The following TRIM35 variants were observed in gnomAD, a reference collection of about 807,000 sequenced individuals.
TRIM35 encodes tripartite motif containing 35.
TRIM35 carries 37 observed loss-of-function variants against 49.1 expected under a neutral mutation model. The observed-to-expected ratio is 0.75, with a 90% CI of 0.58 to 0.99. TRIM35 has a LOEUF of 0.99. TRIM35 is among the 50% of genes least tolerant of loss of function. The pLI is 0.00. For synonymous variants in TRIM35, 302 were observed against 289.3 expected (o/e 1.04, Z -0.45); for missense variants, 648 against 702.7 (o/e 0.92, Z 0.88).
chr8:27,305,311 C>T (rs879588996), intron 1 of TRIM35, among the ~76,000 whole-genome samples: 11 of 152,226 alleles, frequency 7.2e-5, no homozygotes, highest in Admixed American at 7.2e-4. Context: ...TGTCTTTCCC[C>T]TTTGTGTTCA....
rs1429717120 is a variant in TRIM35 at position 27,311,086 on chromosome 8, C to G, written c.150G>C (p.Glu50Asp). The G allele has an allele frequency of 1.9e-6, 3 of 1,597,136 alleles. No individual in the cohort carries two copies. The highest frequency in any genetic ancestry group is 1.7e-6 in the Non-Finnish European group (2 of 1,172,816). The change falls in exon 1 of 6, where the codon GAG becomes GAC. Residue 50 changes from glutamate to aspartate, a missense_variant. Physicochemically the swap from Glu to Asp is conservative, Grantham distance 45 (BLOSUM62 2). Coordinates refer to ENST00000305364, the MANE Select transcript of TRIM35 (RefSeq NM_171982.5). ...FCRGCVSRCW[E>D]VQVSPTCPVC... ...CTGGGCAGGTGGGCGACACCTGCACCTCCCAGCAGCGGCTCACGCACCCGC... is the reference window on the plus strand; with the variant it reads ...CTGGGCAGGTGGGCGACACCTGCACGTCCCAGCAGCGGCTCACGCACCCGC...
intron 1 of TRIM35, among the ~76,000 whole-genome samples, chr8:27,309,149 C>T (rs980793774): frequency 1.3e-5 from 2 of 152,220 alleles, no homozygotes; most frequent in African/African-American, 2.4e-5. Context: ...TGGCTTGGCC[C>T]CAGCCTGGGG....
In TRIM35 at chr8:27,287,232, A is replaced by G; in HGVS notation, c.*318T>C. The stretch of plus-strand genomic sequence containing the variant: ...CCACACCTCGATGAGATGGTTTACA[A>G]CAGGCCCATTCTAGAAGTAAACATT... On this transcript the variant is annotated 3_prime_UTR_variant, in exon 6 of 6. Coordinates refer to ENST00000305364, the MANE Select transcript of TRIM35 (RefSeq NM_171982.5). This position sits in a 1 kb window ranked among gnomAD's most constrained non-coding sequence, Gnocchi z 6.0. 6.3e-6 allele frequency: 2 copies of G among 319,242 alleles called. No individual in the cohort carries two copies. The highest frequency in any genetic ancestry group is 4.7e-5 in the South Asian group (1 of 21,320). 19.8% of individuals were successfully genotyped at this position (319,242 alleles called of 1,614,324 possible).
At chr8:27,296,573 C>T (rs1802571843) in intron 2 of TRIM35, among the ~76,000 whole-genome samples, 1 of 152,212 alleles carries the variant, frequency 6.6e-6, no homozygotes, top group Non-Finnish European at 1.5e-5. Context: ...GCTCAGGACT[C>T]CTACACTCCC....
intron 1 of TRIM35, among the ~76,000 whole-genome samples, chr8:27,300,407 T>C (rs1325505254): frequency 2.1e-5 from 3 of 146,178 alleles, no homozygotes; most frequent in African/African-American, 7.7e-5. Context: ...AACTAGCCCA[T>C]TGGTTAGAAC....
intron 1 of TRIM35, among the ~76,000 whole-genome samples, chr8:27,308,293 C>T (rs145527619): frequency 2.7e-4 from 41 of 152,314 alleles, no homozygotes; most frequent in African/African-American, 7.9e-4. Flanking sequence ...AATTTGTTGA[C>T]GTGTGAACAC....
chr8:27,296,704 G>A (rs1216165215), intron 2 of TRIM35, among the ~76,000 whole-genome samples: 17 of 152,172 alleles, frequency 1.1e-4, no homozygotes, highest in Non-Finnish European at 2.4e-4. Flanking sequence ...CCAAGTAAGA[G>A]AACAATGATA....
At position 27,311,238 on chromosome 8, in the gene TRIM35, C is replaced by G; in HGVS notation, c.-3G>C. 6.6e-7 allele frequency: 1 copy of G among 1,521,480 alleles called. No homozygotes were observed. Among genetic ancestry groups the G allele is most frequent in the Non-Finnish European group, 8.8e-7 (1 of 1,133,816 alleles). The allele number at this position is 1,521,480 out of a possible 1,614,324, so 94.2% of individuals were successfully genotyped here. ...GACACGTCGGGACTCCGCTCCATGG[C>G]ACGAGCAGCCGGCTCGGGCGCCCGG... On this transcript the variant is annotated 5_prime_UTR_variant, in exon 1 of 6. Transcript: ENST00000305364.
intron 2 of TRIM35, among the ~76,000 whole-genome samples, chr8:27,296,080 C>G (rs986009005): frequency 3.3e-5 from 5 of 151,024 alleles, no homozygotes; most frequent in African/African-American, 4.9e-5. Flanking sequence ...TGAGGACAAA[C>G]AGCATGGTTA....
Position 27,311,214 on chromosome 8 carries a change from A to C in TRIM35, c.22T>G (p.Ser8Ala). 1 of 1,570,896 alleles carries C rather than the reference A, an allele frequency of 6.4e-7. No individual in the cohort carries two copies. Among genetic ancestry groups the C allele is most frequent in the Non-Finnish European group, 8.7e-7 (1 of 1,154,828 alleles). MERSPDV[S>A]PGPSRSFKEE... The stretch of plus-strand genomic sequence containing the variant: ...TTGAAGGAGCGGGAAGGCCCGGGGG[A>C]CACGTCGGGACTCCGCTCCATGGCA... Residue 8 changes from serine (S) to alanine (A), a missense_variant, in exon 1 of 6, where the codon TCC (serine) becomes GCC (alanine). Transcript: ENST00000305364.
At chr8:27,289,314 C>A in intron 4 of TRIM35, 34 bp from the exon 5 acceptor site, 2 of 1,585,726 alleles carry the variant, frequency 1.3e-6, no homozygotes, top group South Asian at 1.1e-5. Flanking sequence ...TGGGCAGGGC[C>A]AGAGCCATGC....
At chr8:27,288,883 A>T (rs1336115497) in intron 5 of TRIM35, among the ~76,000 whole-genome samples, 6 of 152,216 alleles carry the variant, frequency 3.9e-5, no homozygotes, top group Admixed American at 3.3e-4. Flanking sequence ...CACAGTTCTG[A>T]ATAGGCAAGA....
chr8:27,306,091 A>C (rs989901699), intron 1 of TRIM35, among the ~76,000 whole-genome samples: 1 of 152,134 alleles, frequency 6.6e-6, no homozygotes, highest in African/African-American at 2.4e-5. Flanking sequence ...GATTACAGGC[A>C]TGAAACACAC....
chr8:27,303,385 C>A (rs1301070836), intron 1 of TRIM35, among the ~76,000 whole-genome samples: 1 of 151,866 alleles, frequency 6.6e-6, no homozygotes, highest in Admixed American at 6.6e-5. Flanking sequence ...TTCCATTTTC[C>A]CCTTCTGTGC....
intron 3 of TRIM35, 72 bp downstream of exon 3, chr8:27,294,008 G>C: frequency 6.7e-7 from 1 of 1,494,134 alleles, no homozygotes; most frequent in South Asian, 1.2e-5. Context: ...GGCCAGGGCT[G>C]GTGGGCTATG....
intron 5 of TRIM35, 50 bp downstream of exon 5, chr8:27,289,112 A>G (rs1339748881): frequency 2.6e-6 from 4 of 1,517,184 alleles, no homozygotes; most frequent in Non-Finnish European, 3.6e-6. Flanking sequence ...CTTTGCTAAC[A>G]TGAAGGGCTT....
intron 2 of TRIM35, among the ~76,000 whole-genome samples, chr8:27,296,870 C>G (rs1292955041): frequency 6.6e-6 from 1 of 152,242 alleles, no homozygotes; most frequent in Non-Finnish European, 1.5e-5. Context: ...TGAAAACTCT[C>G]TCCCACCAGT....
At chr8:27,295,828 G>T (rs940240008) in intron 2 of TRIM35, among the ~76,000 whole-genome samples, 1 of 152,000 alleles carries the variant, frequency 6.6e-6, no homozygotes, top group Non-Finnish European at 1.5e-5. Flanking sequence ...AATGAAAATG[G>T]CCAAAAAAAT....
In TRIM35 at chr8:27,287,841, C is replaced by T. The variant is rs1802364546; in HGVS notation, c.1191G>A (p.Trp397Ter). Residue 397 changes from tryptophan (W) to a stop codon, truncating the protein, a stop_gained, in exon 6 of 6, where the codon TGG becomes TGA. Transcript: ENST00000305364. LOFTEE classifies it high-confidence loss of function. This position sits in a 1 kb window ranked among gnomAD's most constrained non-coding sequence, Gnocchi z 6.0. ...CCACGCCCTGCGTGCGGCAGACATA[C>T]CAGAAGCCCGAGCGTGTGTCGTGGT... ...SCYHDTRSGF[W>*]YVCRTQGVEG... 1 of 1,612,784 alleles carries T rather than the reference C, an allele frequency of 6.2e-7. No individual in the cohort carries two copies. Among genetic ancestry groups the T allele is most frequent in the African/African-American group, 1.3e-5 (1 of 75,040 alleles).
Sources: gnomAD v4.1 joint callset for allele counts (sites outside exome capture counted in the v4.1 genomes callset) on GRCh38, gnomAD v4.1.1 for gene constraint, Gnocchi (gnomAD v3.1) non-coding constraint, MANE v1.5 for transcripts, NCBI Gene and HGNC (gene_info 2026-07-23, HGNC 2026-07-21) for gene names.